The following CLPX variants were observed in gnomAD, a reference collection of about 807,000 sequenced individuals.
The protein encoded by CLPX is ATP-dependent clpX-like chaperone, mitochondrial.
Under a neutral mutation model 76.4 loss-of-function variants are expected in CLPX, and 34 were observed. The observed-to-expected ratio is 0.45, with a 90% confidence interval of 0.34 to 0.59. The LOEUF is 0.59. Ranked by LOEUF, CLPX falls within the 20% of genes least tolerant of loss-of-function variation. The probability of loss-of-function intolerance (pLI) is 0.01; values close to 1 mark genes in which losing one functional copy is unlikely to be tolerated. For synonymous variants in CLPX, 248 were observed against 270.9 expected (o/e 0.92, Z 0.83); for missense variants, 613 against 757.0 (o/e 0.81, Z 2.23).
rs2088244498 is a variant in CLPX, at chr15:65,185,273, T to TG, written c.-121dup. 3 of 770,074 alleles carry TG rather than the reference T, an allele frequency of 3.9e-6. No homozygotes were observed. The South Asian group carries it at 5.2e-5, about 13-fold the overall frequency. 47.7% of individuals were successfully genotyped at this position (770,074 alleles called of 1,614,324 possible). On this transcript the variant is annotated 5_prime_UTR_variant, in exon 1 of 14. Transcript: ENST00000300107. ...ACCCTTTCGCGGGCCCTAGACCCCG[T>TG]GGAGAGTTCACCTGCCCGGCAGCCA...
chr15:65,171,926 A>G (rs1230693060), intron 3 of CLPX, among the ~76,000 whole-genome samples: 1 of 152,252 alleles, frequency 6.6e-6, no homozygotes, highest in African/African-American at 2.4e-5. Context: ...CCTAAATTCA[A>G]GGATTCAATG....
At chr15:65,155,358 T>C (rs2087774846) in intron 10 of CLPX, among the ~76,000 whole-genome samples, 1 of 152,288 alleles carries the variant, frequency 6.6e-6, no homozygotes, top group Non-Finnish European at 1.5e-5. Context: ...CAAGGGATTC[T>C]CCTGCCTCAG....
chr15:65,177,940 C>T (rs2088111219), intron 3 of CLPX, among the ~76,000 whole-genome samples: 1 of 152,096 alleles, frequency 6.6e-6, no homozygotes, highest in African/African-American at 2.4e-5. Flanking sequence ...GAACTATAGC[C>T]ATGCACCACC....
At chr15:65,173,606 G>C (rs528068338) in intron 3 of CLPX, among the ~76,000 whole-genome samples, 2 of 152,114 alleles carry the variant, frequency 1.3e-5, no homozygotes, top group African/African-American at 4.8e-5. Context: ...AGATGTTCAC[G>C]GGAGCATTAT....
chr15:65,148,298 G>A lies in CLPX; in HGVS notation c.*2525C>T, dbSNP rs2087678738. ...AAATTATGTTTGATTTAAAAACATC[G>A]ACTATGCTTTGTTAACAACTTCCAA... is the stretch of plus-strand genomic sequence containing the variant. On this transcript the variant is annotated 3_prime_UTR_variant, in exon 14 of 14. Coordinates refer to ENST00000300107, the MANE Select transcript of CLPX (RefSeq NM_006660.5). 6.6e-6 allele frequency: 1 copy of A among 152,148 alleles called. No individual in the cohort carries two copies. Among genetic ancestry groups the A allele is most frequent in the Admixed American group, 6.5e-5 (1 of 15,268 alleles). The allele number at this position is 152,148 out of a possible 1,614,324, so 9.4% of individuals were successfully genotyped here. A position where few individuals can be genotyped will look rare whatever the true frequency, so the allele number is the denominator to read the frequency against.
chr15:65,166,573 G>A (rs2087915884), intron 4 of CLPX, 58 bp downstream of exon 4: 2 of 1,549,040 alleles, frequency 1.3e-6, no homozygotes, highest in Non-Finnish European at 1.8e-6. Flanking sequence ...TTGGGAGAGG[G>A]AAGCAATGGA....
At chr15:65,172,833 A>T (rs1167056357) in intron 3 of CLPX, among the ~76,000 whole-genome samples, 1 of 152,116 alleles carries the variant, frequency 6.6e-6, no homozygotes, top group Non-Finnish European at 1.5e-5. Context: ...TGAGCCCAAG[A>T]GTTCGGGACC....
rs189030627 is a variant in CLPX at position 65,181,215 on chromosome 15, C to A, written c.80-1011G>T. Among the ~76,000 whole-genome samples the A allele has an allele frequency of 3.6e-3, 541 of 151,462 alleles. 4 individuals are homozygous for A. Among genetic ancestry groups the A allele is most frequent in the African/African-American group, 0.013 (518 of 41,316 alleles). ...CTCTGTCTCAAAAAAAAAAAAAGTT[C>A]TTTAAAAAATTGTGTTATTCCACTT... On this transcript the variant is annotated intron_variant, in intron 1 of 13. Coordinates refer to ENST00000300107, the MANE Select transcript of CLPX (RefSeq NM_006660.5).
chr15:65,159,622 TTAAAA>T (rs987258865), intron 6 of CLPX, among the ~76,000 whole-genome samples: 12 of 151,494 alleles, frequency 7.9e-5, no homozygotes, highest in Non-Finnish European at 1.3e-4. Flanking sequence ...AAAAATAAAA[TTAAAA>T]TAAAATAAAA....
intron 3 of CLPX, among the ~76,000 whole-genome samples, chr15:65,174,737 C>A (rs559978090): frequency 6.6e-6 from 1 of 152,328 alleles, no homozygotes; most frequent in South Asian, 2.1e-4. Flanking sequence ...CATGCATACT[C>A]AAGTCCTGCA....
intron 3 of CLPX, among the ~76,000 whole-genome samples, chr15:65,176,497 T>C (rs2088092680): frequency 6.6e-6 from 1 of 152,192 alleles, no homozygotes. Context: ...TCTGGCAAAA[T>C]TAAGGGTGCA....
chr15:65,153,045 G>A lies in CLPX; in HGVS notation c.1704+502C>T, dbSNP rs562580374. Among the ~76,000 whole-genome samples the A allele has an allele frequency of 2.6e-5, 4 of 151,848 alleles. No homozygotes were observed. The South Asian group carries it at 6.2e-4, about 24-fold the overall frequency. ...TTTATAGGTGTGAGTTACCAGGCCCGATCCCGATTTTCTGTGTCATTAATC... is the reference window on the plus strand; with the variant it reads ...TTTATAGGTGTGAGTTACCAGGCCCAATCCCGATTTTCTGTGTCATTAATC... On this transcript the variant is annotated intron_variant, in intron 12 of 13. Transcript: ENST00000300107.
intron 12 of CLPX, 28 bp downstream of exon 12, chr15:65,153,519 T>G (rs181321589): frequency 2.9e-6 from 4 of 1,375,188 alleles, no homozygotes; most frequent in Non-Finnish European, 4.1e-6. Flanking sequence ...CAAGAAATAA[T>G]TGTTTTTATA....
intron 11 of CLPX, 90 bp from the exon 12 acceptor site, chr15:65,153,729 G>A: frequency 1.4e-6 from 1 of 697,456 alleles, no homozygotes; most frequent in Admixed American, 3.3e-5. Flanking sequence ...AATTTCTCAT[G>A]GTGTTTTGGA....
intron 4 of CLPX, among the ~76,000 whole-genome samples, chr15:65,166,369 G>C (rs999322012): frequency 2.0e-5 from 3 of 151,806 alleles, no homozygotes; most frequent in African/African-American, 7.3e-5. Context: ...AGATTAACTT[G>C]GTATTAACAA....
At chr15:65,159,905 T>C (rs1262641003) in intron 6 of CLPX, among the ~76,000 whole-genome samples, 8 of 151,764 alleles carry the variant, frequency 5.3e-5, no homozygotes, top group Admixed American at 4.6e-4. Flanking sequence ...CTCCGCCTCC[T>C]GGGTTCAAGT....
rs781278027 is a variant in CLPX at position 65,162,609 on chromosome 15, A to C, written c.710T>G (p.Phe237Cys). The change falls in exon 6 of 14, where the codon TTT becomes TGT. Residue 237 changes from phenylalanine (F) to cysteine (C), a missense_variant. Physicochemically the swap from Phe to Cys is radical, Grantham distance 205 (BLOSUM62 -2). Coordinates refer to ENST00000300107, the MANE Select transcript of CLPX (RefSeq NM_006660.5). ...GAGGACCTGAAGTCACTTACTTGTA[A>C]ATCTGTACTCATCCTCCCGTCTTCT... is the stretch of plus-strand genomic sequence containing the variant. ...EIRRREDEYRFTKLLQIAGIS... is the reference protein window; with the variant it reads ...EIRRREDEYRCTKLLQIAGIS... 6.3e-7 allele frequency: 1 copy of C among 1,584,724 alleles called. No homozygotes were observed.
rs571858971 is a variant in CLPX, at chr15:65,163,277, A to C, written c.674-632T>G. On this transcript the variant is annotated intron_variant, in intron 5 of 13. Coordinates refer to ENST00000300107, the MANE Select transcript of CLPX (RefSeq NM_006660.5). ...GACTTATACTTTCTAAAAATAACTG[A>C]TACCATCACATACCTATTTTGCAGT... 3.3e-5 allele frequency among the ~76,000 whole-genome samples: 5 copies of C among 152,300 alleles called. No individual in the cohort carries two copies. The South Asian group carries it at 1.0e-3, about 32-fold the overall frequency.
chr15:65,166,572 G>A, intron 4 of CLPX, 59 bp downstream of exon 4: 1 of 1,545,104 alleles, frequency 6.5e-7, no homozygotes, highest in Non-Finnish European at 8.9e-7. Context: ...CTTGGGAGAG[G>A]GAAGCAATGG....
Sources: allele counts gnomAD v4.1 joint callset (sites outside exome capture counted in the v4.1 genomes callset), GRCh38; gene constraint gnomAD v4.1.1; transcripts MANE v1.5; gene names NCBI Gene and HGNC (gene_info 2026-07-23, HGNC 2026-07-21).